Variants in CDC14B observed in about 807,000 individuals in gnomAD.
The protein encoded by CDC14B is cell division cycle 14B.
In CDC14B, 22 loss-of-function variants were observed where a neutral mutation model predicts 64.2. The ratio of observed to expected loss-of-function variants is 0.34; its 90% confidence interval spans 0.24 to 0.49. CDC14B has a LOEUF of 0.49. Ranked by LOEUF, CDC14B falls within the 20% of genes least tolerant of loss-of-function variation. The pLI is 0.99. For missense variants in CDC14B, 498 were observed against 629.9 expected, an observed-to-expected ratio of 0.79 and a Z score of 2.24; for synonymous variants, 191 against 215.8, an observed-to-expected ratio of 0.89 and a Z score of 1.01.
intron 4 of CDC14B, among the ~76,000 whole-genome samples, chr9:96,553,689 A>G (rs950174135): frequency 1.3e-5 from 2 of 152,000 alleles, no homozygotes; most frequent in African/African-American, 4.8e-5. Flanking sequence ...GCATCAACCT[A>G]TAAGTCATGA....
At chr9:96,614,432 C>T (rs1489712383) in intron 1 of CDC14B, among the ~76,000 whole-genome samples, 2 of 152,100 alleles carry the variant, frequency 1.3e-5, no homozygotes, top group Admixed American at 1.3e-4. Flanking sequence ...ATCTGCCCGC[C>T]TTGGCCTCCC....
intron 1 of CDC14B, among the ~76,000 whole-genome samples, chr9:96,601,684 T>A (rs1394518502): frequency 6.7e-6 from 1 of 149,836 alleles, no homozygotes; most frequent in African/African-American, 2.5e-5. Flanking sequence ...TCCCAGCTAC[T>A]CGGGAAGCTG....
chr9:96,566,829 T>C, intron 1 of CDC14B: 2 of 1,602,874 alleles, frequency 1.2e-6, no homozygotes, highest in East Asian at 2.3e-5. Context: ...CTCCAAAGCA[T>C]CTGGAAGGCG....
chr9:96,497,919 T>C (rs756354913), downstream of CDC14B, among the ~76,000 whole-genome samples: 2 of 152,136 alleles, frequency 1.3e-5, no homozygotes, highest in Non-Finnish European at 2.9e-5. Flanking sequence ...TTCTCAACAA[T>C]TGTACCAAGC....
intron 1 of CDC14B, among the ~76,000 whole-genome samples, chr9:96,606,681 C>T (rs1293622980): frequency 1.3e-5 from 2 of 152,074 alleles, no homozygotes; most frequent in African/African-American, 4.8e-5. Context: ...ATTCTCCTGC[C>T]TCAGCCTCCC....
Position 96,515,903 on chromosome 9 carries a change from C to A in CDC14B, c.1344-6114G>T, listed in dbSNP as rs554621450. The stretch of plus-strand genomic sequence containing the variant: ...GTGAATTTTAGACACCCTAAAAGCC[C>A]AGCCAACAGCAACAGGGATACAAAG... On this transcript the variant is annotated intron_variant, in intron 12 of 13. Coordinates refer to ENST00000375241, the MANE Select transcript of CDC14B (RefSeq NM_033331.4). This position sits in a 1 kb window ranked among gnomAD's most constrained non-coding sequence, Gnocchi z 4.3. 1.7e-5 allele frequency: 16 copies of A among 921,814 alleles called. No individual in the cohort carries two copies. In the Admixed American group the frequency reaches 3.2e-4, roughly 18 times the overall value. 57.1% of individuals were successfully genotyped at this position (921,814 alleles called of 1,614,324 possible).
At chr9:96,619,103 G>A in intron 1 of CDC14B, 116 bp downstream of exon 1, 2 of 767,238 alleles carry the variant, frequency 2.6e-6, no homozygotes, top group Non-Finnish European at 3.5e-6. Context: ...GGGGGTGGGG[G>A]CGAAGGCATT....
intron 9 of CDC14B, among the ~76,000 whole-genome samples, chr9:96,526,355 G>A (rs186071164): frequency 7.4e-4 from 113 of 152,260 alleles, no homozygotes; most frequent in African/African-American, 2.4e-3. Flanking sequence ...GAGACAGAGC[G>A]AGACTCCATC....
chr9:96,609,612 G>A (rs139763953), intron 1 of CDC14B, among the ~76,000 whole-genome samples: 96 of 152,316 alleles, frequency 6.3e-4, no homozygotes, highest in Middle Eastern at 3.4e-3. Context: ...GAATGATTCA[G>A]CTGAGATGGT....
downstream of CDC14B, among the ~76,000 whole-genome samples, chr9:96,499,208 G>A (rs530424798): frequency 3.3e-5 from 5 of 152,310 alleles, no homozygotes; most frequent in East Asian, 3.9e-4. Flanking sequence ...GTGTGGAGTC[G>A]GGAGAGGGGC....
At chr9:96,543,108 A>C (rs1840308491) in intron 5 of CDC14B, among the ~76,000 whole-genome samples, 1 of 152,180 alleles carries the variant, frequency 6.6e-6, no homozygotes, top group Admixed American at 6.5e-5. Context: ...AGGCCGAGGC[A>C]AGTGGATCAC....
intron 9 of CDC14B, among the ~76,000 whole-genome samples, chr9:96,525,880 T>C (rs567065627): frequency 8.1e-4 from 124 of 152,304 alleles, no homozygotes; most frequent in African/African-American, 2.8e-3. Flanking sequence ...GAATGTATTT[T>C]TGAAGTGAAG....
chr9:96,568,306 T>C (rs1017301594), intron 1 of CDC14B, among the ~76,000 whole-genome samples: 1 of 152,238 alleles, frequency 6.6e-6, no homozygotes, highest in Non-Finnish European at 1.5e-5. Flanking sequence ...CTAAAAGCCA[T>C]AAACACATTT....
At chr9:96,499,687 C>G (rs1282454203), downstream of CDC14B, among the ~76,000 whole-genome samples, 1 of 152,228 alleles carries the variant, frequency 6.6e-6, no homozygotes, top group African/African-American at 2.4e-5. Context: ...AGCCCTAACC[C>G]CAGCCCCTTC....
intron 12 of CDC14B, among the ~76,000 whole-genome samples, chr9:96,517,643 CAAAAAAAA>C (rs1016405679): frequency 5.8e-5 from 2 of 34,638 alleles, no homozygotes; most frequent in African/African-American, 1.5e-4. Context: ...GACTCCGTCT[CAAAAAAAA>C]AAAAAAAAAA....
rs1175027581 is a variant in CDC14B, at chr9:96,500,709, T to C, written c.*3044A>G. 6.6e-6 allele frequency: 1 copy of C among 152,478 alleles called. No individual in the cohort carries two copies. Among genetic ancestry groups the C allele is most frequent in the Non-Finnish European group, 1.5e-5 (1 of 68,036 alleles). 9.4% of individuals were successfully genotyped at this position (152,478 alleles called of 1,614,324 possible). A position where few individuals can be genotyped will look rare whatever the true frequency, so the allele number is the denominator to read the frequency against. ...TAAAATAGGTTTTAAAAGTTGCTTT[T>C]GATGAGCACTGCTTTCCAAAATGCA... On this transcript the variant is annotated 3_prime_UTR_variant, in exon 14 of 14. Coordinates refer to ENST00000375241, the MANE Select transcript of CDC14B (RefSeq NM_033331.4).
intron 1 of CDC14B, among the ~76,000 whole-genome samples, chr9:96,585,244 T>C (rs73542926): frequency 1.3e-3 from 203 of 151,732 alleles, no homozygotes; most frequent in African/African-American, 4.7e-3. Context: ...AGTTCTGGGA[T>C]ATATGTGCAG....
downstream of CDC14B, chr9:96,496,250 G>T: frequency 2.0e-6 from 1 of 488,950 alleles, no homozygotes; most frequent in East Asian, 6.1e-5. Context: ...CTTGCAGTGG[G>T]CAACGGGCGT....
At chr9:96,494,764 CGTCCCCT>C (rs1833176464) in intron 13 of CDC14B, among the ~76,000 whole-genome samples, 1 of 122,672 alleles carries the variant, frequency 8.2e-6, no homozygotes, top group Non-Finnish European at 1.7e-5. Flanking sequence ...CCTCCCCTCC[CGTCCCCT>C]CCCCCCTCCC....
Sources: gnomAD v4.1 joint callset for allele counts (sites outside exome capture counted in the v4.1 genomes callset) on GRCh38, gnomAD v4.1.1 for gene constraint, Gnocchi (gnomAD v3.1) non-coding constraint, MANE v1.5 for transcripts, NCBI Gene and HGNC (gene_info 2026-07-23, HGNC 2026-07-21) for gene names.